The following FREM1 variants were observed in gnomAD, a reference collection of about 807,000 sequenced individuals.
FREM1 encodes the protein FRAS1-related extracellular matrix protein 1.
Under a neutral mutation model 210.1 loss-of-function variants are expected in FREM1, and 220 were observed. That is an observed-to-expected ratio of 1.05 (90% confidence interval 0.94 to 1.17). The LOEUF (loss-of-function observed/expected upper bound fraction) is 1.17, where lower values mean the gene tolerates loss of function less well. FREM1 is among the 50% of genes most tolerant of loss of function. The probability of loss-of-function intolerance (pLI) is 0.00; values close to 1 mark genes in which losing one functional copy is unlikely to be tolerated. For synonymous variants in FREM1, 1,189 were observed against 980.2 expected, an observed-to-expected ratio of 1.21 and a Z score of -3.98; for missense variants, 3,454 against 2,675.5, an observed-to-expected ratio of 1.29 and a Z score of -6.42.
chr9:14,776,565 C>T (rs547133590), intron 24 of FREM1, among the ~76,000 whole-genome samples: 3 of 152,228 alleles, frequency 2.0e-5, no homozygotes, highest in East Asian at 3.9e-4. Flanking sequence ...GAAGAGTATA[C>T]CCCCTTTATT....
chr9:14,774,797 G>T (rs1309930875), intron 25 of FREM1, among the ~76,000 whole-genome samples: 1 of 152,140 alleles, frequency 6.6e-6, no homozygotes, highest in Non-Finnish European at 1.5e-5. Context: ...TGGCAGTGTA[G>T]TGTCATAGAA....
intron 13 of FREM1, among the ~76,000 whole-genome samples, chr9:14,820,333 G>T (rs1054763529): frequency 2.6e-5 from 4 of 152,134 alleles, no homozygotes; most frequent in African/African-American, 7.2e-5. Context: ...GATACAGTGG[G>T]GTACCAAATC....
At position 14,737,172 on chromosome 9, in the gene FREM1, T is replaced by A; in HGVS notation, c.*224A>T. On this transcript the variant is annotated 3_prime_UTR_variant, in exon 37 of 37. Transcript: ENST00000380880. The stretch of plus-strand genomic sequence containing the variant: ...TACACTTTATAATACTGCTGGCATT[T>A]ATTTTAAAAGGTATTGAGATACAAA... 1 of 444,592 alleles carries A rather than the reference T, an allele frequency of 2.2e-6. No homozygotes were observed. The allele number at this position is 444,592 out of a possible 1,614,324, so 27.5% of individuals were successfully genotyped here.
At chr9:14,809,632 T>A (rs558026647) in intron 16 of FREM1, among the ~76,000 whole-genome samples, 14 of 152,336 alleles carry the variant, frequency 9.2e-5, no homozygotes, top group Non-Finnish European at 2.1e-4. Context: ...TCTCACCTAT[T>A]CATATATCTA....
intron 27 of FREM1, 145 bp from the exon 28 acceptor site, chr9:14,760,046 G>T (rs927828569): frequency 1.9e-6 from 1 of 522,946 alleles, no homozygotes; most frequent in African/African-American, 1.9e-5. Context: ...ACACATTTTA[G>T]TTCACAAAGA....
rs759095452 is a variant in FREM1, at chr9:14,748,565, G to A, written c.5632C>T (p.Pro1878Ser). ...GTGGTGGATGAGGAAGACCCTGGGG[G>A]CAGCAGATGCCAAATGCCCTTCTCC... is the stretch of plus-strand genomic sequence containing the variant. ...TWEKGIWHLL[P>S]PGSSSSTTSG... The change falls in exon 31 of 37, where the codon CCC (proline) becomes TCC (serine). Residue 1878 changes from proline to serine, a missense_variant. By Grantham distance (74) the Pro-to-Ser change is moderately conservative (BLOSUM62 -1). Coordinates refer to ENST00000380880, the MANE Select transcript of FREM1 (RefSeq NM_001379081.2). 1.6e-5 allele frequency: 26 copies of A among 1,613,888 alleles called. No individual in the cohort carries two copies. The Admixed American group carries it at 1.7e-4, about 10-fold the overall frequency.
chr9:14,747,746 C>T lies in FREM1; in HGVS notation c.5797-18G>A, dbSNP rs1270461092. On this transcript the variant is annotated intron_variant, in intron 31 of 36. Coordinates refer to ENST00000380880, the MANE Select transcript of FREM1 (RefSeq NM_001379081.2). ...GGACGAACCTGAAATTGACAGAGAA[C>T]AAAATATGAACAGAATTGGATTGAC... is the stretch of plus-strand genomic sequence containing the variant. The T allele has an allele frequency of 1.3e-6, 2 of 1,501,026 alleles. No individual in the cohort carries two copies. Among genetic ancestry groups the T allele is most frequent in the Admixed American group, 2.0e-5 (1 of 48,894 alleles). The allele number at this position is 1,501,026 out of a possible 1,614,324, so 93.0% of individuals were successfully genotyped here.
At chr9:14,796,652 G>A (rs118021898) in intron 21 of FREM1, among the ~76,000 whole-genome samples, 4,687 of 152,186 alleles carry the variant, frequency 0.031, 97 homozygotes, top group South Asian at 0.045. Context: ...TCCTGTTCTC[G>A]TGATAGTGAG....
At chr9:14,864,496 A>C (rs1004970109) in intron 2 of FREM1, among the ~76,000 whole-genome samples, 1 of 152,222 alleles carries the variant, frequency 6.6e-6, no homozygotes, top group Admixed American at 6.5e-5. Context: ...TGCTTTCATT[A>C]GTTAGGCAAT....
intron 21 of FREM1, among the ~76,000 whole-genome samples, chr9:14,797,020 CA>C (rs1463307001): frequency 1.3e-5 from 2 of 151,990 alleles, no homozygotes; most frequent in Non-Finnish European, 2.9e-5. Flanking sequence ...AACTGGTGGA[CA>C]AAAAAGTACC....
chr9:14,844,693 G>A (rs751351943), intron 8 of FREM1, among the ~76,000 whole-genome samples: 78 of 152,306 alleles, frequency 5.1e-4, no homozygotes, highest in Non-Finnish European at 7.2e-4. Flanking sequence ...TAGCAATATG[G>A]TCATTTAAAA....
chr9:14,780,189 TTTTG>T (rs1162792440), intron 24 of FREM1, among the ~76,000 whole-genome samples: 1 of 152,140 alleles, frequency 6.6e-6, no homozygotes, highest in Admixed American at 6.5e-5. Context: ...TGTGGATCCA[TTTTG>T]TTTAATTTCC....
chr9:14,805,789 A>G (rs905976767), intron 18 of FREM1, among the ~76,000 whole-genome samples: 8 of 152,216 alleles, frequency 5.3e-5, no homozygotes, highest in African/African-American at 4.8e-5. Context: ...AATCATTTAT[A>G]TGTCTTTGGA....
rs781003463 is a variant in FREM1, at chr9:14,868,748, G to A, written c.230C>T (p.Pro77Leu). 7 of 1,602,740 alleles carry A rather than the reference G, an allele frequency of 4.4e-6. No homozygotes were observed. Among genetic ancestry groups the A allele is most frequent in the Non-Finnish European group, 6.0e-6 (7 of 1,171,976 alleles). The change falls in exon 2 of 37, where the codon CCA becomes CTA. Residue 77 changes from proline (P) to leucine (L), a missense_variant. By Grantham distance (98) the Pro-to-Leu change is moderately conservative. Transcript: ENST00000380880. ...AAAATCGCAGATAGGACCTACCTGT[G>A]GAGTGAGTTTCCCAACCCTCTGGGT... ...PITQRVGKLT[P>L]QVFDCHFLPN...
rs372883581 is a variant in FREM1, at chr9:14,771,102, C to T, written c.4858-296G>A. ...AGAGGGCAGGCGTCAGGTCTTTCAC[C>T]GCCATGGATTCCCTGCACTTGGCAC... On this transcript the variant is annotated intron_variant, in intron 25 of 36. Transcript: ENST00000380880. Among the ~76,000 whole-genome samples, 8 of 152,188 alleles carry T rather than the reference C, an allele frequency of 5.3e-5. No individual in the cohort carries two copies. In the East Asian group the frequency reaches 1.2e-3, roughly 22 times the overall value.
At position 14,836,086 on chromosome 9, in the gene FREM1, C is replaced by A. The variant is rs191538688; in HGVS notation, c.1881+5361G>T. Among the ~76,000 whole-genome samples, 1 of 152,218 alleles carries A rather than the reference C, an allele frequency of 6.6e-6. No individual in the cohort carries two copies. The highest frequency in any genetic ancestry group is 2.1e-4 in the South Asian group (1 of 4,830). On this transcript the variant is annotated intron_variant, in intron 10 of 36. Coordinates refer to ENST00000380880, the MANE Select transcript of FREM1 (RefSeq NM_001379081.2). This position sits in a 1 kb window ranked among gnomAD's most constrained non-coding sequence, Gnocchi z 4.9. ...TGAGTAAGGTGCCCATAACTCTGAG[C>A]TTTCTTTGTTTGGGAAAATAAAACC...
At chr9:14,767,249 G>A (rs1038776939) in intron 27 of FREM1, among the ~76,000 whole-genome samples, 3 of 152,154 alleles carry the variant, frequency 2.0e-5, no homozygotes, top group African/African-American at 7.2e-5. Flanking sequence ...TAATGTACAT[G>A]TTAAAAAATC....
At chr9:14,792,146 C>T (rs1157802978) in intron 22 of FREM1, among the ~76,000 whole-genome samples, 1 of 152,034 alleles carries the variant, frequency 6.6e-6, no homozygotes, top group Non-Finnish European at 1.5e-5. Context: ...GACATTAGGG[C>T]CAGAGGAGCT....
chr9:14,870,833 T>G (rs1476941225), intron 1 of FREM1, among the ~76,000 whole-genome samples: 1 of 121,532 alleles, frequency 8.2e-6, no homozygotes, highest in East Asian at 2.6e-4. Flanking sequence ...GTCCCCAGAG[T>G]GTGATGTTCC....
Sources: allele counts gnomAD v4.1 joint callset (sites outside exome capture counted in the v4.1 genomes callset), GRCh38; gene constraint gnomAD v4.1.1; non-coding constraint Gnocchi (gnomAD v3.1); transcripts MANE v1.5; gene names NCBI Gene and HGNC (gene_info 2026-07-23, HGNC 2026-07-21).